MRTFB: variants seen among roughly 807,000 people sequenced by gnomAD.
MRTFB encodes the protein myocardin-related transcription factor B.
MRTFB carries 29 observed loss-of-function variants against 104.2 expected under a neutral mutation model. The ratio of observed to expected loss-of-function variants is 0.28; its 90% CI spans 0.21 to 0.38. The LOEUF is 0.38. Among genes scored for constraint, MRTFB ranks in the 10% least tolerant of loss-of-function variants. The probability of loss-of-function intolerance (pLI) is 1.00; values close to 1 mark genes in which losing one functional copy is unlikely to be tolerated. For missense variants in MRTFB, 1,270 were observed against 1,341.6 expected, an observed-to-expected ratio of 0.95 and a Z score of 0.83; for synonymous variants, 535 against 519.5, an observed-to-expected ratio of 1.03 and a Z score of -0.41.
the MRTFB span, among the ~76,000 whole-genome samples, chr16:13,999,650 G>A: frequency 1.3e-5 from 2 of 152,118 alleles, no homozygotes; most frequent in African/African-American, 2.4e-5. Flanking sequence ...GGGGAGCATC[G>A]CATGGTGCCT....
At chr16:14,244,141 G>A (rs568960543) in intron 10 of MRTFB, among the ~76,000 whole-genome samples, 15 of 152,276 alleles carry the variant, frequency 9.9e-5, no homozygotes, top group African/African-American at 3.4e-4. Context: ...GCCTCCCAAA[G>A]TGCAGTTTTG....
At chr16:14,108,616 A>G (rs1365039635) in intron 2 of MRTFB, among the ~76,000 whole-genome samples, 1 of 152,042 alleles carries the variant, frequency 6.6e-6, no homozygotes, top group Non-Finnish European at 1.5e-5. Flanking sequence ...TAAGACTCCT[A>G]CCCCAGGAGG....
At chr16:14,252,565 G>T in intron 15 of MRTFB, 63 bp downstream of exon 15, 1 of 1,589,112 alleles carries the variant, frequency 6.3e-7, no homozygotes. Context: ...TCAGTCTCGA[G>T]CAGACCTATA....
intron 3 of MRTFB, among the ~76,000 whole-genome samples, chr16:14,180,302 G>A (rs2039725389): frequency 6.6e-6 from 1 of 152,162 alleles, no homozygotes; most frequent in African/African-American, 2.4e-5. Context: ...GTATCAATAA[G>A]GTGATGAAAT....
At chr16:14,003,623 G>GGCCGGCCTGCCTGCCTGCCTGCCT in the MRTFB span, among the ~76,000 whole-genome samples, 935 of 85,136 alleles carry the variant, frequency 0.011, 10 homozygotes, top group East Asian at 0.034. Context: ...GGGGCCGGCC[G>GGCCGGCCTGCCTGCCTGCCTGCCT]GCCTGCCTGC....
chr16:14,187,722 A>G (rs2040008241), intron 3 of MRTFB, among the ~76,000 whole-genome samples: 1 of 152,260 alleles, frequency 6.6e-6, no homozygotes, highest in African/African-American at 2.4e-5. Context: ...CCTGGCATAC[A>G]GAAGCATGGC....
At chr16:14,125,797 C>T (rs1027005869) in intron 2 of MRTFB, among the ~76,000 whole-genome samples, 9 of 152,120 alleles carry the variant, frequency 5.9e-5, no homozygotes, top group Non-Finnish European at 1.2e-4. Context: ...TAACATTTTT[C>T]ATCTTTATCT....
chr16:14,039,450 A>G, the MRTFB span, among the ~76,000 whole-genome samples: 117 of 152,312 alleles, frequency 7.7e-4, 1 homozygote, highest in African/African-American at 2.7e-3. Flanking sequence ...AGGGAACAAC[A>G]CAAGGATATG....
chr16:14,255,862 T>A (rs1023093599), intron 15 of MRTFB, among the ~76,000 whole-genome samples: 9 of 151,698 alleles, frequency 5.9e-5, no homozygotes. Context: ...GCCTGTAATC[T>A]CAACACCTTG....
chr16:14,254,329 T>G (rs918552716), intron 15 of MRTFB, among the ~76,000 whole-genome samples: 1 of 152,226 alleles, frequency 6.6e-6, no homozygotes, highest in Non-Finnish European at 1.5e-5. Context: ...CTGAACGCAT[T>G]GAAGAGTAAA....
At chr16:14,036,010 G>T in the MRTFB span, among the ~76,000 whole-genome samples, 1 of 148,860 alleles carries the variant, frequency 6.7e-6, no homozygotes, top group South Asian at 2.1e-4. Flanking sequence ...ACTTCACTTG[G>T]AATAATAGTC....
At chr16:14,003,528 C>T in the MRTFB span, among the ~76,000 whole-genome samples, 5 of 152,216 alleles carry the variant, frequency 3.3e-5, no homozygotes, top group African/African-American at 1.2e-4. Context: ...ACAGAGGCGT[C>T]TCCCAGCCTG....
intron 3 of MRTFB, among the ~76,000 whole-genome samples, chr16:14,197,619 A>G (rs2040498030): frequency 6.6e-6 from 1 of 152,220 alleles, no homozygotes; most frequent in Non-Finnish European, 1.5e-5. Context: ...TAAGTATACC[A>G]TGCAAATTTA....
At chr16:14,037,482 G>A in the MRTFB span, among the ~76,000 whole-genome samples, 2 of 152,154 alleles carry the variant, frequency 1.3e-5, no homozygotes, top group Admixed American at 6.5e-5. Context: ...TCAAATGGGG[G>A]AAGGGTGTCT....
At chr16:14,063,299 T>C in the MRTFB span, among the ~76,000 whole-genome samples, 1 of 152,338 alleles carries the variant, frequency 6.6e-6, no homozygotes, top group Non-Finnish European at 1.5e-5. Flanking sequence ...TCTCAAGATG[T>C]CATTAATTTT....
At chr16:14,232,967 T>A (rs1324352816) in intron 8 of MRTFB, among the ~76,000 whole-genome samples, 1 of 152,234 alleles carries the variant, frequency 6.6e-6, no homozygotes, top group East Asian at 1.9e-4. Context: ...ACATTTTTCC[T>A]TAAGATAAGG....
the MRTFB span, among the ~76,000 whole-genome samples, chr16:14,044,862 T>C: frequency 0.98 from 148,673 of 152,240 alleles, 72,623 homozygotes; most frequent in East Asian, 1. Context: ...TGTGACAATA[T>C]GGTCCCTTGC....
intron 10 of MRTFB, among the ~76,000 whole-genome samples, chr16:14,243,474 A>C (rs915384090): frequency 4.6e-5 from 7 of 152,336 alleles, no homozygotes; most frequent in Middle Eastern, 3.4e-3. Flanking sequence ...TGTGATAATA[A>C]AGCCTGAAGC....
intron 3 of MRTFB, among the ~76,000 whole-genome samples, chr16:14,166,982 T>C (rs1213357982): frequency 6.6e-6 from 1 of 152,214 alleles, no homozygotes; most frequent in Non-Finnish European, 1.5e-5. Flanking sequence ...CATGTGCACA[T>C]ACCTTGATAA....
Sources: gnomAD v4.1 joint callset for allele counts (sites outside exome capture counted in the v4.1 genomes callset) on GRCh38, gnomAD v4.1.1 for gene constraint, MANE v1.5 for transcripts, NCBI Gene and HGNC (gene_info 2026-07-23, HGNC 2026-07-21) for gene names.